The following XPR1 variants were observed in gnomAD, a reference collection of about 807,000 sequenced individuals.
XPR1 encodes xenotropic and polytropic retrovirus receptor 1, also known as solute carrier family 53 member 1.
XPR1 carries 28 observed loss-of-function variants against 87.5 expected under a neutral mutation model. The ratio of observed to expected loss-of-function variants is 0.32; its 90% confidence interval spans 0.24 to 0.44. XPR1 has a LOEUF of 0.44. Ranked by LOEUF, XPR1 falls within the 20% of genes least tolerant of loss-of-function variation. XPR1 has a pLI of 1.00. For missense variants in XPR1, 559 were observed against 862.3 expected (o/e 0.65, Z 4.41); for synonymous variants, 300 against 306.1 (o/e 0.98, Z 0.21).
At chr1:180,681,852 T>C (rs1411513129) in intron 1 of XPR1, among the ~76,000 whole-genome samples, 2 of 152,114 alleles carry the variant, frequency 1.3e-5, no homozygotes, top group African/African-American at 4.8e-5. Context: ...AAAAAAAGTA[T>C]TGAAGATGAA....
At chr1:180,806,679 C>A in intron 6 of XPR1, 122 bp downstream of exon 6, 1 of 743,300 alleles carries the variant, frequency 1.3e-6, no homozygotes, top group South Asian at 2.5e-5. Flanking sequence ...TGCTATTTTT[C>A]TTATTTTAGT....
intron 2 of XPR1, among the ~76,000 whole-genome samples, chr1:180,780,409 T>TG (rs1648888604): frequency 6.6e-6 from 1 of 152,252 alleles, no homozygotes; most frequent in Non-Finnish European, 1.5e-5. Flanking sequence ...TAATGACTGA[T>TG]GTGTTGAAAT....
chr1:180,665,839 C>A (rs1268501570), intron 1 of XPR1, among the ~76,000 whole-genome samples: 1 of 152,160 alleles, frequency 6.6e-6, no homozygotes, highest in Non-Finnish European at 1.5e-5. Context: ...GTTTACTCAA[C>A]TGATTTCTGA....
At chr1:180,828,262 A>G (rs1650930401) in intron 9 of XPR1, among the ~76,000 whole-genome samples, 1 of 152,190 alleles carries the variant, frequency 6.6e-6, no homozygotes, top group Non-Finnish European at 1.5e-5. Flanking sequence ...ATTGGAATCT[A>G]TGGAATTGAT....
At chr1:180,719,588 CCTT>C (rs1296652919) in intron 2 of XPR1, among the ~76,000 whole-genome samples, 4 of 151,960 alleles carry the variant, frequency 2.6e-5, no homozygotes, top group Non-Finnish European at 4.4e-5. Flanking sequence ...CTTTTTTCCG[CCTT>C]CTTTTATTTT....
chr1:180,860,091 C>T (rs745815001), intron 11 of XPR1, among the ~76,000 whole-genome samples: 9 of 151,966 alleles, frequency 5.9e-5, no homozygotes, highest in Non-Finnish European at 1.2e-4. Context: ...ACACATATGA[C>T]AATTAAACAC....
At chr1:180,734,401 G>A (rs890096409) in intron 2 of XPR1, among the ~76,000 whole-genome samples, 15 of 152,202 alleles carry the variant, frequency 9.9e-5, no homozygotes, top group Non-Finnish European at 7.3e-5. Context: ...TTAGTGAGGG[G>A]TAAGGAAGAG....
chr1:180,770,879 G>A (rs1023095406), intron 2 of XPR1, among the ~76,000 whole-genome samples: 5 of 151,782 alleles, frequency 3.3e-5, no homozygotes, highest in Admixed American at 6.6e-5. Flanking sequence ...CTCAACTCCC[G>A]CTTATTATTA....
intron 2 of XPR1, among the ~76,000 whole-genome samples, chr1:180,766,081 G>A (rs1648272708): frequency 6.6e-6 from 1 of 151,486 alleles, no homozygotes; most frequent in African/African-American, 2.4e-5. Flanking sequence ...TCTTTTCCTG[G>A]TCCACTATCT....
At chr1:180,656,387 G>GTATTTATATATAAATATA (rs1655476305) in intron 1 of XPR1, among the ~76,000 whole-genome samples, 6 of 54,172 alleles carry the variant, frequency 1.1e-4, no homozygotes, top group African/African-American at 2.1e-4. Context: ...TAATATTCAT[G>GTATTTATATATAAATATA]TATTTATATA....
At chr1:180,758,114 T>TACACTCACAC (rs1647828963) in intron 2 of XPR1, among the ~76,000 whole-genome samples, 1 of 141,094 alleles carries the variant, frequency 7.1e-6, no homozygotes, top group Admixed American at 7.2e-5. Context: ...TATAGAAGGA[T>TACACTCACAC]ACACACACAC....
intron 1 of XPR1, among the ~76,000 whole-genome samples, chr1:180,673,907 C>T (rs549501871): frequency 6.6e-6 from 1 of 152,290 alleles, no homozygotes; most frequent in East Asian, 1.9e-4. Flanking sequence ...TAGAACTGTA[C>T]TACTTTGTGA....
At chr1:180,872,622 C>T (rs1652537125) in intron 12 of XPR1, among the ~76,000 whole-genome samples, 1 of 126,770 alleles carries the variant, frequency 7.9e-6, no homozygotes, top group African/African-American at 3.1e-5. Flanking sequence ...GGAAAGGGAA[C>T]TCCCTGACCC....
chr1:180,740,863 G>C (rs1658894533), intron 2 of XPR1, among the ~76,000 whole-genome samples: 1 of 152,114 alleles, frequency 6.6e-6, no homozygotes, highest in African/African-American at 2.4e-5. Flanking sequence ...CTGCTTTCTG[G>C]CCCCTAGATG....
At chr1:180,652,506 G>A (rs1256781563) in intron 1 of XPR1, among the ~76,000 whole-genome samples, 2 of 152,182 alleles carry the variant, frequency 1.3e-5, no homozygotes, top group African/African-American at 2.4e-5. Context: ...CTCCAGCCCA[G>A]GAGTGTGTCC....
rs10690260 is a variant in XPR1, at chr1:180,883,126, C to CTTT, written c.2031-859_2031-857dup. On this transcript the variant is annotated intron_variant, in intron 14 of 14. Coordinates refer to ENST00000367590, the MANE Select transcript of XPR1 (RefSeq NM_004736.4). ...TACAGGTTTGCACTATCATACCTGGCTTTTTTTTTTTTTTTTTTTTTTTAA... is the reference window on the plus strand; with the variant it reads ...TACAGGTTTGCACTATCATACCTGGCTTTTTTTTTTTTTTTTTTTTTTTTTTAA... 4.8e-3 allele frequency among the ~76,000 whole-genome samples: 415 copies of CTTT among 87,138 alleles called. 12 individuals carry two copies. The highest frequency in any genetic ancestry group is 6.0e-3 in the Non-Finnish European group (280 of 46,870). 57.2% of individuals were successfully genotyped at this position (87,138 alleles called of 152,430 possible). A position where few individuals can be genotyped will look rare whatever the true frequency, so the allele number is the denominator to read the frequency against.
chr1:180,759,544 A>G (rs1024508582), intron 2 of XPR1, among the ~76,000 whole-genome samples: 1 of 152,090 alleles, frequency 6.6e-6, no homozygotes, highest in African/African-American at 2.4e-5. Flanking sequence ...CGACACATAC[A>G]CCCTCCCAAG....
At chr1:180,840,109 G>A (rs1164490915) in intron 11 of XPR1, among the ~76,000 whole-genome samples, 2 of 151,464 alleles carry the variant, frequency 1.3e-5, no homozygotes, top group Non-Finnish European at 2.9e-5. Flanking sequence ...TGTAGTCCCA[G>A]CTACTCGGGA....
intron 2 of XPR1, among the ~76,000 whole-genome samples, chr1:180,762,851 A>G (rs1648100610): frequency 2.0e-5 from 3 of 152,178 alleles, no homozygotes; most frequent in African/African-American, 7.2e-5. Flanking sequence ...ATGTATAACT[A>G]TAAACTTGCT....
Sources: allele counts gnomAD v4.1 joint callset (sites outside exome capture counted in the v4.1 genomes callset), GRCh38; gene constraint gnomAD v4.1.1; transcripts MANE v1.5; gene names NCBI Gene and HGNC (gene_info 2026-07-23, HGNC 2026-07-21).